The following MPPED2 variants were observed in gnomAD, a reference collection of about 807,000 sequenced individuals.
MPPED2 encodes metallophosphoesterase domain containing 2.
MPPED2 carries 5 observed loss-of-function variants against 33.0 expected under a neutral mutation model. The observed-to-expected ratio is 0.15, with a 90% CI of 0.08 to 0.32. MPPED2 has a LOEUF of 0.32. MPPED2 is among the 10% of genes least tolerant of loss of function. The probability of loss-of-function intolerance (pLI) is 1.00; values close to 1 mark genes in which losing one functional copy is unlikely to be tolerated. For missense variants in MPPED2, 275 were observed against 372.1 expected, an observed-to-expected ratio of 0.74 and a Z score of 2.15; for synonymous variants, 136 against 141.9, an observed-to-expected ratio of 0.96 and a Z score of 0.29.
chr11:30,404,122 C>A (rs892034323), intron 6 of MPPED2, among the ~76,000 whole-genome samples: 1 of 152,168 alleles, frequency 6.6e-6, no homozygotes, highest in African/African-American at 2.4e-5. Context: ...CCTGGCCTAG[C>A]TTCCCAGGAA....
intron 2 of MPPED2, among the ~76,000 whole-genome samples, chr11:30,572,694 G>A (rs923659967): frequency 1.3e-5 from 2 of 152,248 alleles, no homozygotes; most frequent in South Asian, 2.1e-4. Flanking sequence ...TTGTTAGTAA[G>A]TGCCATTTTA....
intron 4 of MPPED2, among the ~76,000 whole-genome samples, 182 bp from the exon 5 acceptor site, chr11:30,417,815 C>T (rs972510903): frequency 2.0e-5 from 3 of 152,116 alleles, no homozygotes; most frequent in African/African-American, 2.4e-5. Flanking sequence ...TGAAAGTAAG[C>T]GTGGAGCCTA....
chr11:30,407,830 C>T (rs1038982146), downstream of MPPED2, among the ~76,000 whole-genome samples: 11 of 152,056 alleles, frequency 7.2e-5, no homozygotes, highest in African/African-American at 1.9e-4. Flanking sequence ...GGGATTGCAC[C>T]GCTGCACTCC....
At chr11:30,535,762 A>G (rs925014139) in intron 3 of MPPED2, among the ~76,000 whole-genome samples, 1 of 152,164 alleles carries the variant, frequency 6.6e-6, no homozygotes, top group African/African-American at 2.4e-5. Context: ...AAAGCTTTCC[A>G]TCCCTTTGCC....
rs181955274 is a variant in MPPED2 at position 30,402,648 on chromosome 11, C to T, written c.766+11580G>A. Among the ~76,000 whole-genome samples, 50 of 152,284 alleles carry T rather than the reference C, an allele frequency of 3.3e-4. No homozygotes were observed. In the East Asian group the frequency reaches 8.3e-3, roughly 25 times the overall value. ...GGTTCATTCAGTTTTGGGTCAGGAC[C>T]ATTTTCTCCTTCCTATTCCCATTCT... On this transcript the variant is annotated intron_variant, in intron 6 of 6. Transcript: ENST00000448418.
At chr11:30,431,327 T>A (rs1949069302) in intron 4 of MPPED2, among the ~76,000 whole-genome samples, 1 of 152,210 alleles carries the variant, frequency 6.6e-6, no homozygotes, top group Admixed American at 6.5e-5. Context: ...AGCTCTGAAG[T>A]CAGACCTGTG....
chr11:30,490,031 A>T (rs985487349), intron 4 of MPPED2, among the ~76,000 whole-genome samples: 3 of 152,192 alleles, frequency 2.0e-5, no homozygotes, highest in African/African-American at 7.2e-5. Flanking sequence ...AGTAATCAAA[A>T]ATACAAAGAT....
chr11:30,405,762 CTTTT>C (rs374956286), downstream of MPPED2, among the ~76,000 whole-genome samples: 1 of 152,084 alleles, frequency 6.6e-6, no homozygotes, highest in Non-Finnish European at 1.5e-5. Flanking sequence ...CTGCCCCTGC[CTTTT>C]TTTCTTTTTT....
intron 2 of MPPED2, among the ~76,000 whole-genome samples, chr11:30,561,828 T>C (rs1404429218): frequency 2.0e-5 from 3 of 152,316 alleles, no homozygotes; most frequent in Non-Finnish European, 4.4e-5. Context: ...TACCAAGTGA[T>C]GCCAACACCA....
At chr11:30,517,231 C>A (rs1327802451) in intron 3 of MPPED2, among the ~76,000 whole-genome samples, 1 of 152,170 alleles carries the variant, frequency 6.6e-6, no homozygotes, top group Non-Finnish European at 1.5e-5. Context: ...AGCTTCCCTT[C>A]AACTCCAAAA....
At chr11:30,456,215 A>T in intron 4 of MPPED2, among the ~76,000 whole-genome samples, 1 of 152,246 alleles carries the variant, frequency 6.6e-6, no homozygotes, top group East Asian at 1.9e-4. Flanking sequence ...AGAAGAGACG[A>T]TTAAGGAAAA....
chr11:30,571,494 GA>G (rs1032267918), intron 2 of MPPED2, among the ~76,000 whole-genome samples: 2 of 150,172 alleles, frequency 1.3e-5, no homozygotes, highest in Non-Finnish European at 3.0e-5. Context: ...AACAAAAAAA[GA>G]AAAAAAAAGA....
chr11:30,452,552 T>G (rs1436329948), intron 4 of MPPED2, among the ~76,000 whole-genome samples: 1 of 152,206 alleles, frequency 6.6e-6, no homozygotes, highest in Non-Finnish European at 1.5e-5. Flanking sequence ...AATGAAGATT[T>G]TGGGGTCCAA....
chr11:30,470,834 T>G (rs1950916981), intron 4 of MPPED2, among the ~76,000 whole-genome samples: 1 of 152,200 alleles, frequency 6.6e-6, no homozygotes, highest in Non-Finnish European at 1.5e-5. Flanking sequence ...TTTCCTTGCT[T>G]CTTTCCCACC....
At chr11:30,509,533 G>A (rs1327934379) in intron 3 of MPPED2, among the ~76,000 whole-genome samples, 1 of 152,158 alleles carries the variant, frequency 6.6e-6, no homozygotes, top group East Asian at 1.9e-4. Flanking sequence ...AATCACTGCT[G>A]TTTTGACAGC....
chr11:30,485,081 C>T (rs1356385252), intron 4 of MPPED2, among the ~76,000 whole-genome samples: 2 of 152,132 alleles, frequency 1.3e-5, no homozygotes. Context: ...GTGCCAGGAA[C>T]TTAACATACA....
chr11:30,557,121 A>G (rs1341669004), intron 2 of MPPED2, among the ~76,000 whole-genome samples: 1 of 151,426 alleles, frequency 6.6e-6, no homozygotes, highest in East Asian at 1.9e-4. Flanking sequence ...ATTTTGTTAA[A>G]CAGTGCTAGA....
chr11:30,500,243 C>T (rs1952494108), intron 3 of MPPED2, among the ~76,000 whole-genome samples: 1 of 152,092 alleles, frequency 6.6e-6, no homozygotes, highest in Non-Finnish European at 1.5e-5. Flanking sequence ...GTGATCCATT[C>T]CCTTGATTAC....
chr11:30,389,537 A>C (rs1294204102), intron 6 of MPPED2, among the ~76,000 whole-genome samples: 1 of 152,246 alleles, frequency 6.6e-6, no homozygotes, highest in Admixed American at 6.5e-5. Context: ...GCAGAAATTC[A>C]GGGACTCCCT....
Sources: gnomAD v4.1 joint callset for allele counts (sites outside exome capture counted in the v4.1 genomes callset) on GRCh38, gnomAD v4.1.1 for gene constraint, MANE v1.5 for transcripts, NCBI Gene and HGNC (gene_info 2026-07-23, HGNC 2026-07-21) for gene names.